Variants in DCX observed in about 807,000 individuals in gnomAD.
DCX encodes doublecortin.
A neutral mutation model predicts 20.9 loss-of-function variants in DCX; 4 were observed. The observed-to-expected ratio is 0.19, with a 90% CI of 0.09 to 0.44. DCX has a LOEUF of 0.44. Ranked by LOEUF, DCX falls within the 20% of genes least tolerant of loss-of-function variation. The pLI, the probability that DCX is intolerant of heterozygous loss-of-function variation, is 0.99. For synonymous variants in DCX, 103 were observed against 111.4 expected (o/e 0.92, Z 0.47); for missense variants, 133 against 296.9 (o/e 0.45, Z 4.06).
At chrX:111,411,692 A>G (rs1460253603) in intron 1 of DCX, 1 of 112,285 alleles carries the variant, frequency 8.9e-6, no homozygotes. Context: ...CCACATCAAT[A>G]TATTTGCAAG....
At chrX:111,387,381 A>G (rs1362341170) in intron 3 of DCX, among the ~76,000 whole-genome samples, 2 of 112,215 alleles carry the variant, frequency 1.8e-5, no homozygotes, top group Non-Finnish European at 3.8e-5. Context: ...CCTAGGGCCC[A>G]CCAGAAGCAT....
At chrX:111,411,019 C>T (rs767433788) in intron 1 of DCX, 2 of 1,083,903 alleles carry the variant, frequency 1.8e-6, no homozygotes, top group East Asian at 6.1e-5. Context: ...GCATCCCCTC[C>T]CCCCAGAATA....
intron 5 of DCX, among the ~76,000 whole-genome samples, chrX:111,325,679 C>T (rs1410852019): frequency 8.9e-6 from 1 of 111,801 alleles, no homozygotes; most frequent in African/African-American, 3.3e-5. Context: ...TGAAGTGCGG[C>T]TAGTCAGAAC....
intron 6 of DCX, 111 bp from the exon 7 acceptor site, chrX:111,301,854 T>A: frequency 1.4e-6 from 1 of 721,381 alleles, no homozygotes; most frequent in Non-Finnish European, 2.1e-6. Context: ...ACATAATAAT[T>A]ATAGATTCAC....
At chrX:111,360,031 C>T (rs1402854428) in intron 3 of DCX, among the ~76,000 whole-genome samples, 1 of 111,883 alleles carries the variant, frequency 8.9e-6, no homozygotes, top group African/African-American at 3.2e-5. Context: ...ATGCCTATTG[C>T]AGTATCGTGT....
At chrX:111,363,324 T>C (rs917019212) in intron 3 of DCX, among the ~76,000 whole-genome samples, 5 of 110,061 alleles carry the variant, frequency 4.5e-5, no homozygotes, top group Non-Finnish European at 7.6e-5. Flanking sequence ...CCCCCAGCCA[T>C]TGGGGGAAGG....
chrX:111,337,705 A>G (rs966182583), intron 3 of DCX, among the ~76,000 whole-genome samples: 4 of 112,365 alleles, frequency 3.6e-5, no homozygotes, highest in African/African-American at 1.3e-4. Flanking sequence ...TTTCTCGAGA[A>G]GTAAGGTCTT....
chrX:111,323,886 A>T (rs1453936213), intron 5 of DCX, among the ~76,000 whole-genome samples: 1 of 111,231 alleles, frequency 9.0e-6, no homozygotes, highest in Non-Finnish European at 1.9e-5. Flanking sequence ...TAATCGAGAC[A>T]TCAGGTCATA....
chrX:111,344,006 C>T (rs1343997177), intron 3 of DCX, among the ~76,000 whole-genome samples: 1 of 111,255 alleles, frequency 9.0e-6, no homozygotes, highest in Non-Finnish European at 1.9e-5. Flanking sequence ...AACTGGTGAA[C>T]CGAATCAAGT....
At chrX:111,389,081 C>T (rs972175782) in intron 3 of DCX, among the ~76,000 whole-genome samples, 3 of 111,645 alleles carry the variant, frequency 2.7e-5, no homozygotes, top group Non-Finnish European at 5.7e-5. Context: ...GCCTAGTCAC[C>T]TCTGAGAGTC....
At chrX:111,374,748 G>A (rs1925394071) in intron 3 of DCX, among the ~76,000 whole-genome samples, 1 of 109,965 alleles carries the variant, frequency 9.1e-6, no homozygotes, top group Non-Finnish European at 1.9e-5. Flanking sequence ...GTTCCCACAG[G>A]AGAAGTTGGT....
chrX:111,367,698 C>T lies in DCX; in HGVS notation c.705+33292G>A, dbSNP rs554194615. ...ATGTGCTGTGTAGTAGGGTACGTGG[C>T]GGCCCTTTGAGGCAGACGTTATAAT... On this transcript the variant is annotated intron_variant, in intron 3 of 6. Coordinates refer to ENST00000636035, the MANE Select transcript of DCX (RefSeq NM_001195553.2). Among the ~76,000 whole-genome samples the T allele has an allele frequency of 5.5e-4, 61 of 111,488 alleles. 1 individual carries two copies. In the South Asian group the frequency reaches 0.013, roughly 24 times the overall value.
intron 3 of DCX, among the ~76,000 whole-genome samples, chrX:111,397,986 T>G (rs1927466943): frequency 9.0e-6 from 1 of 111,203 alleles, no homozygotes; most frequent in Admixed American, 9.6e-5. Flanking sequence ...GCACACAATT[T>G]GCAGCATTTT....
At position 111,298,950 on chromosome X, in the gene DCX, T is replaced by TTGTGTGTGTGTGTGTG. The variant is rs559997251; in HGVS notation, c.*2721_*2736dup. The TTGTGTGTGTGTGTGTG allele has an allele frequency of 1.9e-5, 2 of 103,868 alleles. No homozygotes were observed. The highest frequency in any genetic ancestry group is 7.1e-5 in the African/African-American group (2 of 28,067). 8.6% of individuals were successfully genotyped at this position (103,868 alleles called of 1,213,427 possible). On this transcript the variant is annotated 3_prime_UTR_variant, in exon 7 of 7. Transcript: ENST00000636035. ...GAGGTAGGAACAAGCAAGAGATGGA[T>TTGTGTGTGTGTGTGTG]TGTGTGTGTGTGTGTGTGTGTGTGT...
intron 2 of DCX, among the ~76,000 whole-genome samples, 153 bp from the exon 3 acceptor site, chrX:111,401,483 C>T (rs184530544): frequency 7.1e-5 from 8 of 112,165 alleles, no homozygotes; most frequent in Non-Finnish European, 1.5e-4. Context: ...GGGCTAAAAA[C>T]TTGGCTCATC....
chrX:111,411,322 T>A (rs1307301050), intron 1 of DCX, among the ~76,000 whole-genome samples: 1 of 97,431 alleles, frequency 1.0e-5, no homozygotes, highest in Non-Finnish European at 2.0e-5. Context: ...GATTCACAAA[T>A]GACTCTCCGA....
At chrX:111,375,289 A>G (rs1925445759) in intron 3 of DCX, among the ~76,000 whole-genome samples, 2 of 110,765 alleles carry the variant, frequency 1.8e-5, no homozygotes, top group Non-Finnish European at 3.8e-5. Context: ...GATTGTACTC[A>G]TGTCATTGTC....
chrX:111,406,931 T>G (rs1308538007), intron 2 of DCX, among the ~76,000 whole-genome samples: 1 of 112,268 alleles, frequency 8.9e-6, no homozygotes, highest in Non-Finnish European at 1.9e-5. Flanking sequence ...GTAAATTTCA[T>G]GTTATGCAAA....
intron 3 of DCX, among the ~76,000 whole-genome samples, chrX:111,395,890 G>A (rs1235978193): frequency 8.9e-6 from 1 of 112,193 alleles, no homozygotes; most frequent in Non-Finnish European, 1.9e-5. Flanking sequence ...GGAGGCCAGG[G>A]AGTATAAATA....
Sources: gnomAD v4.1 joint callset for allele counts (sites outside exome capture counted in the v4.1 genomes callset) on GRCh38, gnomAD v4.1.1 for gene constraint, MANE v1.5 for transcripts, NCBI Gene and HGNC (gene_info 2026-07-23, HGNC 2026-07-21) for gene names.